The following SLC17A1 variants were observed in gnomAD, a reference collection of about 807,000 sequenced individuals.
SLC17A1 encodes sodium-dependent phosphate transport protein 1.
SLC17A1 carries 51 observed loss-of-function variants against 53.5 expected under a neutral mutation model. That is an observed-to-expected ratio of 0.95 (90% CI 0.76 to 1.20). The LOEUF (loss-of-function observed/expected upper bound fraction) is 1.20, where lower values mean the gene tolerates loss of function less well. SLC17A1 is among the 50% of genes most tolerant of loss of function. The pLI is 0.00. For synonymous variants in SLC17A1, 179 were observed against 198.8 expected (o/e 0.90, Z 0.84); for missense variants, 538 against 568.2 (o/e 0.95, Z 0.54).
the SLC17A1 span, chr6:25,776,888 G>C: frequency 2.0e-5 from 32 of 1,613,762 alleles, no homozygotes; most frequent in Non-Finnish European, 2.7e-5. Flanking sequence ...TGACCTTCTT[G>C]GTGCTGTCTT....
At chr6:25,732,539 C>T in the SLC17A1 span, 1 of 533,154 alleles carries the variant, frequency 1.9e-6, no homozygotes, top group South Asian at 1.8e-5. Context: ...GGCTGCTCAG[C>T]AAGGGCAACG....
At chr6:25,731,833 C>T in the SLC17A1 span, 4 of 1,602,132 alleles carry the variant, frequency 2.5e-6, no homozygotes, top group African/African-American at 1.3e-5. Context: ...TCCGACACAA[C>T]GTGCTTGGCT....
chr6:25,773,730 G>C, the SLC17A1 span: 1 of 1,562,864 alleles, frequency 6.4e-7, no homozygotes, highest in Non-Finnish European at 8.7e-7. Flanking sequence ...AATAATGAGA[G>C]CTCATATATA....
the SLC17A1 span, among the ~76,000 whole-genome samples, chr6:25,765,546 A>G: frequency 1.4e-4 from 21 of 152,354 alleles, no homozygotes; most frequent in African/African-American, 5.1e-4. Flanking sequence ...AAAGTTCTCA[A>G]TAATGACAAT....
At chr6:25,789,115 A>C (rs1305341377) in intron 12 of SLC17A1, among the ~76,000 whole-genome samples, 3 of 152,142 alleles carry the variant, frequency 2.0e-5, no homozygotes, top group East Asian at 3.9e-4. Flanking sequence ...TCTAAATACA[A>C]TTCTCAAACA....
chr6:25,751,844 G>GAAAAAGA, the SLC17A1 span, among the ~76,000 whole-genome samples: 3 of 141,072 alleles, frequency 2.1e-5, no homozygotes, highest in Admixed American at 2.1e-4. Flanking sequence ...ACGGCAGAAG[G>GAAAAAGA]AAAAAGAAAA....
the SLC17A1 span, among the ~76,000 whole-genome samples, chr6:25,754,242 CAG>C: frequency 6.6e-6 from 1 of 152,138 alleles, no homozygotes; most frequent in African/African-American, 2.4e-5. Context: ...AGGAGAATCA[CAG>C]AGTTAATTTT....
the SLC17A1 span, among the ~76,000 whole-genome samples, chr6:25,727,689 AAATCAGCTGTGGGCCGAGGGTAGACG>A: frequency 6.6e-6 from 1 of 151,910 alleles, no homozygotes; most frequent in South Asian, 2.1e-4. Flanking sequence ...GAATATATCC[AAATCAGCTGTGGGCCGAGGGTAGACG>A]AACTAGTTGC....
At chr6:25,807,033 T>A (rs1300160032) in intron 10 of SLC17A1, among the ~76,000 whole-genome samples, 1 of 152,132 alleles carries the variant, frequency 6.6e-6, no homozygotes, top group East Asian at 1.9e-4. Context: ...ACAATAGACA[T>A]TGATGTGGAT....
chr6:25,789,699 A>C (rs1763459865), intron 12 of SLC17A1, among the ~76,000 whole-genome samples: 1 of 152,188 alleles, frequency 6.6e-6, no homozygotes, highest in Non-Finnish European at 1.5e-5. Flanking sequence ...CTACAAAATA[A>C]CTAGCCTGCA....
chr6:25,766,455 G>A, the SLC17A1 span, among the ~76,000 whole-genome samples: 6 of 152,206 alleles, frequency 3.9e-5, no homozygotes, highest in East Asian at 1.2e-3. Flanking sequence ...TGTGACTGGT[G>A]CTTGTGACTT....
chr6:25,745,845 T>C, the SLC17A1 span, among the ~76,000 whole-genome samples: 1 of 152,228 alleles, frequency 6.6e-6, no homozygotes, highest in Non-Finnish European at 1.5e-5. Context: ...TTATTAGTTG[T>C]TTCTTTAGAG....
chr6:25,736,527 T>A, the SLC17A1 span, among the ~76,000 whole-genome samples: 1 of 152,256 alleles, frequency 6.6e-6, no homozygotes, highest in African/African-American at 2.4e-5. Flanking sequence ...TGTAAAGCAA[T>A]TAGAAGACAA....
chr6:25,779,018 G>A, downstream of SLC17A1: 1 of 1,610,684 alleles, frequency 6.2e-7, no homozygotes, highest in Non-Finnish European at 8.5e-7. Flanking sequence ...ACAGGAATTG[G>A]GTGACCGTTA....
downstream of SLC17A1, among the ~76,000 whole-genome samples, chr6:25,781,625 T>G (rs10946798): frequency 0.42 from 64,371 of 152,114 alleles, 16,677 homozygotes; most frequent in South Asian, 0.6. Flanking sequence ...AGGCAACTTC[T>G]GCTCATAGTG....
chr6:25,778,045 A>T, downstream of SLC17A1: 1 of 1,575,760 alleles, frequency 6.3e-7, no homozygotes, highest in Non-Finnish European at 8.7e-7. Flanking sequence ...ATGAATATTC[A>T]TAAAAGAAAC....
the SLC17A1 span, among the ~76,000 whole-genome samples, chr6:25,753,007 T>C: frequency 6.6e-6 from 1 of 152,078 alleles, no homozygotes; most frequent in South Asian, 2.1e-4. Context: ...ATACCCTTAT[T>C]CTATAAGCTT....
the SLC17A1 span, chr6:25,769,951 C>A: frequency 1.2e-6 from 1 of 854,964 alleles, no homozygotes; most frequent in Non-Finnish European, 1.9e-6. Context: ...ATTGGAGGAA[C>A]TGGAGAAATG....
At chr6:25,737,931 C>T in the SLC17A1 span, among the ~76,000 whole-genome samples, 3 of 152,216 alleles carry the variant, frequency 2.0e-5, no homozygotes, top group Admixed American at 1.3e-4. Context: ...AGGAGCAAGG[C>T]AAAATGTTCA....
Sources: gnomAD v4.1 joint callset for allele counts (sites outside exome capture counted in the v4.1 genomes callset) on GRCh38, gnomAD v4.1.1 for gene constraint, MANE v1.5 for transcripts, NCBI Gene and HGNC (gene_info 2026-07-23, HGNC 2026-07-21) for gene names.